The following ST8SIA4 variants were observed in gnomAD, a reference collection of about 807,000 sequenced individuals.
ST8SIA4 encodes the protein ST8 alpha-N-acetyl-neuraminide alpha-2,8-sialyltransferase 4, also known as CMP-N-acetylneuraminate-poly-alpha-2,8-sialyltransferase.
A neutral mutation model predicts 33.9 loss-of-function variants in ST8SIA4; 15 were observed. The ratio of observed to expected loss-of-function variants is 0.44; its 90% CI spans 0.30 to 0.68. The LOEUF (loss-of-function observed/expected upper bound fraction) is 0.68, where lower values mean the gene tolerates loss of function less well. ST8SIA4 is among the 30% of genes least tolerant of loss of function. The probability of loss-of-function intolerance (pLI) is 0.10; values close to 1 mark genes in which losing one functional copy is unlikely to be tolerated. For synonymous variants in ST8SIA4, 171 were observed against 151.2 expected (o/e 1.13, Z -0.96); for missense variants, 321 against 428.0 (o/e 0.75, Z 2.21).
At chr5:100,870,717 T>G (rs1752180066) in intron 3 of ST8SIA4, among the ~76,000 whole-genome samples, 1 of 152,138 alleles carries the variant, frequency 6.6e-6, no homozygotes, top group Admixed American at 6.6e-5. Context: ...GAGCTGTACC[T>G]CTCATCACAA....
intron 3 of ST8SIA4, among the ~76,000 whole-genome samples, chr5:100,868,647 G>C (rs575957063): frequency 4.7e-4 from 71 of 151,958 alleles, no homozygotes; most frequent in African/African-American, 1.7e-3. Context: ...ACATCCTATT[G>C]CATATCTTAG....
intron 3 of ST8SIA4, among the ~76,000 whole-genome samples, chr5:100,871,313 C>A (rs1031001835): frequency 7.9e-5 from 12 of 152,016 alleles, no homozygotes; most frequent in Admixed American, 5.2e-4. Flanking sequence ...ACCAGCCAGT[C>A]AATTCCTCCA....
At position 100,808,939 on chromosome 5, in the gene ST8SIA4, C is replaced by T. The variant is rs1307291241; in HGVS notation, c.*2908G>A. The T allele has an allele frequency of 6.6e-6, 1 of 152,546 alleles. No individual in the cohort carries two copies. Among genetic ancestry groups the T allele is most frequent in the African/African-American group, 2.4e-5 (1 of 41,454 alleles). The allele number at this position is 152,546 out of a possible 1,614,324, so 9.4% of individuals were successfully genotyped here. Reference sequence around the variant, plus strand: ...AATCCCTGAGATGAACAAAAGCAATCTCAATCGACACTGAAGCCCTTTTTT... The same window carrying T: ...AATCCCTGAGATGAACAAAAGCAATTTCAATCGACACTGAAGCCCTTTTTT... On this transcript the variant is annotated 3_prime_UTR_variant, in exon 5 of 5. Transcript: ENST00000231461.
At chr5:100,834,620 ATTGGATGTGGGGCC>A (rs771040735) in intron 4 of ST8SIA4, among the ~76,000 whole-genome samples, 2 of 152,112 alleles carry the variant, frequency 1.3e-5, no homozygotes, top group African/African-American at 2.4e-5. Flanking sequence ...CAGCCTCAAC[ATTGGATGTGGGGCC>A]TTGTGAGAGG....
chr5:100,857,266 C>A (rs375665842), intron 3 of ST8SIA4, among the ~76,000 whole-genome samples: 1 of 151,666 alleles, frequency 6.6e-6, no homozygotes, highest in East Asian at 1.9e-4. Flanking sequence ...ATATAACATT[C>A]TTATATTAGA....
chr5:100,902,789 T>C (rs1752949646), intron 1 of ST8SIA4, 54 bp downstream of exon 1: 1 of 1,467,056 alleles, frequency 6.8e-7, no homozygotes, highest in Non-Finnish European at 9.5e-7. Context: ...TATATTCACA[T>C]TTCATTTATG....
intron 2 of ST8SIA4, among the ~76,000 whole-genome samples, chr5:100,890,340 T>C (rs1444144043): frequency 6.6e-6 from 1 of 151,876 alleles, no homozygotes; most frequent in African/African-American, 2.4e-5. Flanking sequence ...TAAATGTCAT[T>C]GGAAGCATAG....
intron 3 of ST8SIA4, among the ~76,000 whole-genome samples, chr5:100,865,360 A>G (rs957598412): frequency 6.6e-6 from 1 of 152,188 alleles, no homozygotes; most frequent in African/African-American, 2.4e-5. Flanking sequence ...AAATAGTCCA[A>G]TTGATCACTC....
chr5:100,878,687 G>A (rs1309526405), intron 3 of ST8SIA4, among the ~76,000 whole-genome samples: 1 of 152,112 alleles, frequency 6.6e-6, no homozygotes, highest in East Asian at 1.9e-4. Context: ...ATTAAACACT[G>A]TAGAATACAG....
intron 2 of ST8SIA4, among the ~76,000 whole-genome samples, chr5:100,893,501 A>C (rs1752716594): frequency 1.3e-5 from 2 of 152,162 alleles, no homozygotes; most frequent in Non-Finnish European, 2.9e-5. Context: ...ATAATTGAAA[A>C]TAGATCACCC....
At chr5:100,830,729 ATAT>A (rs1309419059) in intron 4 of ST8SIA4, among the ~76,000 whole-genome samples, 1 of 152,232 alleles carries the variant, frequency 6.6e-6, no homozygotes, top group Non-Finnish European at 1.5e-5. Context: ...TTAGACAAAG[ATAT>A]TATTTCAAAT....
rs968544308 is a variant in ST8SIA4, at chr5:100,811,764, C to A, written c.*83G>T. On this transcript the variant is annotated 3_prime_UTR_variant, in exon 5 of 5. Transcript: ENST00000231461. ...TCAGTTCATTGGTGGATGCTGAAAC[C>A]CAGCCGTGTTTTGGATCCTATTTTC... The A allele has an allele frequency of 1.9e-5, 27 of 1,410,354 alleles. No individual in the cohort carries two copies. The highest frequency in any genetic ancestry group is 2.6e-5 in the Non-Finnish European group (27 of 1,048,204). 87.4% of individuals were successfully genotyped at this position (1,410,354 alleles called of 1,614,324 possible).
chr5:100,866,644 T>A (rs923791356), intron 3 of ST8SIA4, among the ~76,000 whole-genome samples: 9 of 151,504 alleles, frequency 5.9e-5, no homozygotes, highest in African/African-American at 2.2e-4. Context: ...TACACACACA[T>A]ATACATAAAC....
chr5:100,873,869 T>C (rs1752250728), intron 3 of ST8SIA4, among the ~76,000 whole-genome samples: 2 of 152,174 alleles, frequency 1.3e-5, no homozygotes, highest in Non-Finnish European at 2.9e-5. Context: ...GTATAGCTAG[T>C]ACAAATATTA....
rs1167784013 is a variant in ST8SIA4 at position 100,807,817 on chromosome 5, A to T, written c.*4030T>A. On this transcript the variant is annotated 3_prime_UTR_variant, in exon 5 of 5. Coordinates refer to ENST00000231461, the MANE Select transcript of ST8SIA4 (RefSeq NM_005668.6). ...ACTCAGTGTGTATACAGACATATAC[A>T]CATATATAACATTGTATATATGCAT... is the stretch of plus-strand genomic sequence containing the variant. 6.6e-6 allele frequency: 1 copy of T among 152,532 alleles called. No homozygotes were observed. The highest frequency in any genetic ancestry group is 1.9e-4 in the East Asian group (1 of 5,198). 9.4% of individuals were successfully genotyped at this position (152,532 alleles called of 1,614,324 possible). A position where few individuals can be genotyped will look rare whatever the true frequency, so the allele number is the denominator to read the frequency against.
intron 4 of ST8SIA4, among the ~76,000 whole-genome samples, chr5:100,837,905 T>A (rs535337970): frequency 3.9e-5 from 6 of 152,168 alleles, no homozygotes; most frequent in African/African-American, 1.4e-4. Context: ...CCCAAGAATG[T>A]CTTAATGTCA....
At chr5:100,825,375 A>G (rs901926655) in intron 4 of ST8SIA4, among the ~76,000 whole-genome samples, 10 of 152,188 alleles carry the variant, frequency 6.6e-5, no homozygotes, top group Non-Finnish European at 1.3e-4. Flanking sequence ...TAAACTTCCT[A>G]TATCAGTGAT....
intron 4 of ST8SIA4, among the ~76,000 whole-genome samples, chr5:100,822,937 C>T (rs188355205): frequency 6.4e-4 from 98 of 152,202 alleles, no homozygotes; most frequent in African/African-American, 2.3e-3. Flanking sequence ...TGAGATCATC[C>T]TGGCTAACAC....
At chr5:100,901,803 A>T (rs1234769829) in intron 1 of ST8SIA4, among the ~76,000 whole-genome samples, 4 of 152,164 alleles carry the variant, frequency 2.6e-5, no homozygotes, top group Non-Finnish European at 5.9e-5. Context: ...TAAGAAATGG[A>T]GTGCAGGAAG....
Sources: allele counts gnomAD v4.1 joint callset (sites outside exome capture counted in the v4.1 genomes callset), GRCh38; gene constraint gnomAD v4.1.1; transcripts MANE v1.5; gene names NCBI Gene and HGNC (gene_info 2026-07-23, HGNC 2026-07-21).